Variants in PCCA observed in about 807,000 individuals in gnomAD.
PCCA encodes the protein propionyl-CoA carboxylase alpha chain, mitochondrial.
Under a neutral mutation model 101.3 loss-of-function variants are expected in PCCA, and 74 were observed. The ratio of observed to expected loss-of-function variants is 0.73; its 90% CI spans 0.61 to 0.89. The LOEUF is 0.89. PCCA is among the 40% of genes least tolerant of loss of function. The pLI is 0.00. For synonymous variants in PCCA, 294 were observed against 313.6 expected, an observed-to-expected ratio of 0.94 and a Z score of 0.66; for missense variants, 891 against 907.0, an observed-to-expected ratio of 0.98 and a Z score of 0.23.
intron 4 of PCCA, chr13:100,150,592 GGCCTGCAGA>G: frequency 8.3e-7 from 1 of 1,206,262 alleles, no homozygotes. Context: ...GGGCTCTTTT[GGCCTGCAGA>G]TGTCAGCCCA....
intron 21 of PCCA, among the ~76,000 whole-genome samples, chr13:100,493,329 A>T (rs1050276379): frequency 6.6e-6 from 1 of 152,164 alleles, no homozygotes; most frequent in Non-Finnish European, 1.5e-5. Flanking sequence ...AGACCTTCAA[A>T]GGCCTGTTGG....
At chr13:100,272,564 G>GAC (rs140863707) in intron 11 of PCCA, among the ~76,000 whole-genome samples, 16 of 150,452 alleles carry the variant, frequency 1.1e-4, no homozygotes, top group East Asian at 5.8e-4. Flanking sequence ...ACCATGAAAT[G>GAC]ACACACACAC....
At chr13:100,330,439 A>G (rs1226907436) in intron 16 of PCCA, 122 bp from the exon 17 acceptor site, 10 of 674,792 alleles carry the variant, frequency 1.5e-5, no homozygotes, top group Admixed American at 2.3e-5. Flanking sequence ...ATTCAAGGAA[A>G]TAAGTAATCT....
At chr13:100,406,928 T>C (rs2077718092) in intron 19 of PCCA, among the ~76,000 whole-genome samples, 1 of 152,324 alleles carries the variant, frequency 6.6e-6, no homozygotes, top group Admixed American at 6.5e-5. Flanking sequence ...TTCAAAGTTA[T>C]TAGAAGCCTG....
intron 4 of PCCA, among the ~76,000 whole-genome samples, chr13:100,114,642 AAAG>A (rs2048627736): frequency 1.3e-5 from 2 of 152,322 alleles, no homozygotes; most frequent in South Asian, 4.1e-4. Context: ...TCATTTCTCA[AAAG>A]AAGACATACA....
rs1413425424 is a variant in PCCA, at chr13:100,100,962, C to T, written c.106-1921C>T. On this transcript the variant is annotated intron_variant, in intron 1 of 23. Coordinates refer to ENST00000376285, the MANE Select transcript of PCCA (RefSeq NM_000282.4). ...GGGATTACGGGCATGCACCACCATG[C>T]CCAGCTAATTTTGTATTTTTAGTAG... 3.3e-5 allele frequency among the ~76,000 whole-genome samples: 5 copies of T among 152,108 alleles called. No individual in the cohort carries two copies. The South Asian group carries it at 8.3e-4, about 25-fold the overall frequency.
At chr13:100,186,300 A>G (rs1442101334) in intron 6 of PCCA, among the ~76,000 whole-genome samples, 2 of 152,220 alleles carry the variant, frequency 1.3e-5, no homozygotes, top group Non-Finnish European at 2.9e-5. Flanking sequence ...GTACAAATAT[A>G]TTTAGTTTAA....
chr13:100,474,985 T>C (rs975576601), intron 21 of PCCA, among the ~76,000 whole-genome samples: 2 of 152,248 alleles, frequency 1.3e-5, no homozygotes, highest in Non-Finnish European at 2.9e-5. Context: ...AATACATTTT[T>C]AGTATAATTA....
intron 21 of PCCA, among the ~76,000 whole-genome samples, chr13:100,492,690 G>GC (rs1056497026): frequency 6.7e-5 from 10 of 150,120 alleles, no homozygotes; most frequent in African/African-American, 2.5e-4. Flanking sequence ...GGCTCACCAC[G>GC]CCCCCCTCTC....
At chr13:100,373,223 A>G (rs180747762) in intron 19 of PCCA, among the ~76,000 whole-genome samples, 2 of 152,284 alleles carry the variant, frequency 1.3e-5, no homozygotes, top group East Asian at 3.9e-4. Flanking sequence ...TCCAAATCAA[A>G]CCTGCAGTGA....
At chr13:100,239,561 G>A (rs2060997466) in intron 8 of PCCA, among the ~76,000 whole-genome samples, 2 of 151,916 alleles carry the variant, frequency 1.3e-5, no homozygotes, top group Non-Finnish European at 2.9e-5. Flanking sequence ...TTTTTACTTT[G>A]ACCTATCTAA....
chr13:100,105,658 A>C (rs1217502372), intron 2 of PCCA, among the ~76,000 whole-genome samples: 2 of 31,770 alleles, frequency 6.3e-5, no homozygotes, highest in Admixed American at 2.4e-4. Flanking sequence ...TGTCTCTACC[A>C]AAAAAAAAAA....
chr13:100,210,882 G>C lies in PCCA; in HGVS notation c.600+1419G>C, dbSNP rs141543403. Among the ~76,000 whole-genome samples the C allele has an allele frequency of 5.3e-5, 8 of 152,258 alleles. No individual in the cohort carries two copies. The East Asian group carries it at 1.5e-3, about 29-fold the overall frequency. ...CTCAGCTTCTTGCCCATATTTACCT[G>C]CATTTACTTTTATCTATGTGTATCC... On this transcript the variant is annotated intron_variant, in intron 7 of 23. Coordinates refer to ENST00000376285, the MANE Select transcript of PCCA (RefSeq NM_000282.4).
In PCCA at chr13:100,209,370, T is replaced by C; in HGVS notation, c.507T>C (p.His169=). The C allele has an allele frequency of 6.2e-7, 1 of 1,613,342 alleles. No homozygotes were observed. The highest frequency in any genetic ancestry group is 8.5e-7 in the Non-Finnish European group (1 of 1,179,302). The change falls in exon 7 of 24, where the codon CAT becomes CAC. Residue 169 remains histidine, a synonymous_variant. Transcript: ENST00000376285. ...EDVVFIGPDT[H]AIQAMGDKIE... ...TCGTTTTCATTGGACCTGACACACATGCTATTCAAGCCATGGGCGACAAGA... is the reference window on the plus strand; with the variant it reads ...TCGTTTTCATTGGACCTGACACACACGCTATTCAAGCCATGGGCGACAAGA...
intron 20 of PCCA, among the ~76,000 whole-genome samples, chr13:100,426,357 A>AG (rs1365269812): frequency 3.5e-5 from 5 of 142,370 alleles, no homozygotes; most frequent in African/African-American, 1.2e-4. Context: ...TTAGCGTTTT[A>AG]GGAAAAAAAA....
chr13:100,393,384 G>T (rs115612521), intron 19 of PCCA, among the ~76,000 whole-genome samples: 4,316 of 148,684 alleles, frequency 0.029, 192 homozygotes, highest in African/African-American at 0.099. Flanking sequence ...TTCAGCAGCT[G>T]CTTCTGCTGG....
At chr13:100,103,940 T>A (rs572597571) in intron 2 of PCCA, among the ~76,000 whole-genome samples, 14 of 152,334 alleles carry the variant, frequency 9.2e-5, no homozygotes, top group African/African-American at 2.9e-4. Context: ...CCGGCCTATA[T>A]GATTCATTTA....
At chr13:100,233,473 T>C (rs996206553) in intron 7 of PCCA, among the ~76,000 whole-genome samples, 4 of 152,182 alleles carry the variant, frequency 2.6e-5, no homozygotes, top group Non-Finnish European at 4.4e-5. Flanking sequence ...TTTAAACTTA[T>C]GATGTTATAG....
chr13:100,391,867 A>G (rs1356153491), intron 19 of PCCA, among the ~76,000 whole-genome samples: 2 of 152,166 alleles, frequency 1.3e-5, no homozygotes, highest in Non-Finnish European at 2.9e-5. Flanking sequence ...CTCATATTTG[A>G]TATCTAATCA....
Sources: allele counts gnomAD v4.1 joint callset (sites outside exome capture counted in the v4.1 genomes callset), GRCh38; gene constraint gnomAD v4.1.1; transcripts MANE v1.5; gene names NCBI Gene and HGNC (gene_info 2026-07-23, HGNC 2026-07-21).